RBM34: variants seen among roughly 807,000 people sequenced by gnomAD.
RBM34 encodes the protein RNA binding motif protein 34.
RBM34 carries 39 observed loss-of-function variants against 44.6 expected under a neutral mutation model. The observed-to-expected ratio is 0.87, with a 90% CI of 0.68 to 1.14. The LOEUF (loss-of-function observed/expected upper bound fraction) is 1.14, where lower values mean the gene tolerates loss of function less well. Ranked by LOEUF, RBM34 falls within the 50% of genes most tolerant of loss-of-function variation. RBM34 has a pLI of 0.00. For synonymous variants in RBM34, 194 were observed against 184.0 expected, an observed-to-expected ratio of 1.05 and a Z score of -0.44; for missense variants, 572 against 517.9, an observed-to-expected ratio of 1.10 and a Z score of -1.01.
intron 4 of RBM34, among the ~76,000 whole-genome samples, chr1:235,154,169 C>T (rs552738116): frequency 6.8e-4 from 103 of 151,560 alleles, no homozygotes; most frequent in African/African-American, 2.5e-3. Context: ...GGGTGTGAAC[C>T]CAGGAGGCGG....
At chr1:235,135,608 C>T in intron 10 of RBM34, 44 bp downstream of exon 10, 1 of 1,480,416 alleles carries the variant, frequency 6.8e-7, no homozygotes, top group South Asian at 1.1e-5. Context: ...CAATGCCTCC[C>T]AGGGCACTTC....
chr1:235,133,287 G>C (rs146567843), intron 10 of RBM34, among the ~76,000 whole-genome samples: 1,533 of 152,332 alleles, frequency 0.01, 17 homozygotes, highest in Non-Finnish European at 0.013. Flanking sequence ...GCTGCAGTGA[G>C]CTGAGATCGT....
At chr1:235,142,332 G>C (rs1316627674) in intron 6 of RBM34, among the ~76,000 whole-genome samples, 7 of 152,104 alleles carry the variant, frequency 4.6e-5, no homozygotes, top group African/African-American at 1.7e-4. Flanking sequence ...AGGCTGGAGT[G>C]CAATGGCATG....
At chr1:235,152,466 A>C (rs967058677) in intron 5 of RBM34, 3 of 1,212,954 alleles carry the variant, frequency 2.5e-6, no homozygotes, top group African/African-American at 3.2e-5. Flanking sequence ...TCCACCCTCC[A>C]AAGTACATTG....
chr1:235,160,542 G>A lies in RBM34; in HGVS notation c.334C>T (p.His112Tyr). 1 of 1,613,754 alleles carries A rather than the reference G, an allele frequency of 6.2e-7. No homozygotes were observed. Among genetic ancestry groups the A allele is most frequent in the East Asian group, 2.2e-5 (1 of 44,864 alleles). ...GCCAACTTTTTTTCTGCGTTAGTGT[G>A]TTTCTTCTTCGCTTTCACTTTTTTG... ...PAKKVKAKKK[H>Y]TNAEKKLADR... Residue 112 changes from histidine (H) to tyrosine (Y), a missense_variant, in exon 3 of 11, where the codon CAC becomes TAC. Physicochemically the swap from His to Tyr is moderately conservative, Grantham distance 83 (BLOSUM62 2). Coordinates refer to ENST00000408888, the MANE Select transcript of RBM34 (RefSeq NM_015014.4).
chr1:235,135,719 A>G lies in RBM34; in HGVS notation c.941T>C (p.Met314Thr). ...EKHFLDCGSI[M>T]AVRIVRDKMT... ...TTTGTCTCTCACAATCCTCACGGCCATGATACTTCCACAGTCCAGAAAGTG... is the reference window on the plus strand; with the variant it reads ...TTTGTCTCTCACAATCCTCACGGCCGTGATACTTCCACAGTCCAGAAAGTG... The change falls in exon 10 of 11, where the codon ATG becomes ACG. Residue 314 changes from methionine (M) to threonine (T), a missense_variant. Coordinates refer to ENST00000408888, the MANE Select transcript of RBM34 (RefSeq NM_015014.4). 1 of 1,614,220 alleles carries G rather than the reference A, an allele frequency of 6.2e-7. No homozygotes were observed. Among genetic ancestry groups the G allele is most frequent in the East Asian group, 2.2e-5 (1 of 44,886 alleles).
intron 3 of RBM34, among the ~76,000 whole-genome samples, chr1:235,159,619 C>T (rs1472765331): frequency 1.3e-5 from 2 of 151,368 alleles, no homozygotes; most frequent in African/African-American, 4.9e-5. Context: ...CCTATAATCC[C>T]TGCACTTTAG....
Position 235,131,786 on chromosome 1 carries a change from G to C in RBM34, c.1220C>G (p.Ala407Gly). The change falls in exon 11 of 11, where the codon GCT becomes GGT. Residue 407 changes from alanine (A) to glycine (G), a missense_variant. Ala to Gly is a moderately conservative substitution (Grantham distance 60). Transcript: ENST00000408888. ...TTTCTTCTTCGTTTTAAGGAGAACAGCTTTTTCTCCAATAAATAAGCTTTT... is the reference window on the plus strand; with the variant it reads ...TTTCTTCTTCGTTTTAAGGAGAACACCTTTTTCTCCAATAAATAAGCTTTT... ...HPKSLFIGEK[A>G]VLLKTKKKGQ... 2 of 1,613,948 alleles carry C rather than the reference G, an allele frequency of 1.2e-6. No individual in the cohort carries two copies. Among genetic ancestry groups the C allele is most frequent in the Non-Finnish European group, 1.7e-6 (2 of 1,179,938 alleles).
At chr1:235,147,996 C>A (rs987305596) in intron 6 of RBM34, among the ~76,000 whole-genome samples, 1 of 152,066 alleles carries the variant, frequency 6.6e-6, no homozygotes, top group Non-Finnish European at 1.5e-5. Flanking sequence ...GGTCCAAAAC[C>A]CTCAAACAGA....
chr1:235,137,805 C>T, intron 8 of RBM34, 72 bp downstream of exon 8: 1 of 1,231,638 alleles, frequency 8.1e-7, no homozygotes, highest in Non-Finnish European at 1.1e-6. Flanking sequence ...AGTCCCCTTC[C>T]AGGAAAAGCC....
chr1:235,137,833 C>A, intron 8 of RBM34, 44 bp downstream of exon 8: 1 of 1,425,014 alleles, frequency 7.0e-7, no homozygotes, highest in South Asian at 1.3e-5. Flanking sequence ...AAACATTTCT[C>A]TCTACAAAGC....
At chr1:235,156,499 G>A in intron 3 of RBM34, 1 of 344,384 alleles carries the variant, frequency 2.9e-6, no homozygotes, top group Non-Finnish European at 5.8e-6. Flanking sequence ...AGGTTAATAT[G>A]GCAGCAGAGT....
chr1:235,156,287 A>T (rs1242210797), intron 3 of RBM34, among the ~76,000 whole-genome samples: 2 of 152,132 alleles, frequency 1.3e-5, no homozygotes, highest in African/African-American at 2.4e-5. Context: ...TACAGGCGTG[A>T]ACCACTGCAC....
chr1:235,155,837 A>ATATATATG (rs1553275314), intron 3 of RBM34, among the ~76,000 whole-genome samples: 2 of 22,882 alleles, frequency 8.7e-5, no homozygotes, highest in Admixed American at 1.2e-3. Flanking sequence ...ATATATATAT[A>ATATATATG]TATATATATA....
At chr1:235,157,450 AG>A (rs1662499707) in intron 3 of RBM34, among the ~76,000 whole-genome samples, 1 of 152,208 alleles carries the variant, frequency 6.6e-6, no homozygotes, top group African/African-American at 2.4e-5. Flanking sequence ...GCTCATGCCA[AG>A]GAACAGGACT....
At chr1:235,150,178 G>A (rs1258039966) in intron 5 of RBM34, among the ~76,000 whole-genome samples, 13 of 152,172 alleles carry the variant, frequency 8.5e-5, no homozygotes, top group African/African-American at 1.2e-4. Context: ...AGGTTCAAGC[G>A]ATTCTCCCAT....
At chr1:235,133,732 A>G (rs934136868) in intron 10 of RBM34, among the ~76,000 whole-genome samples, 1 of 152,260 alleles carries the variant, frequency 6.6e-6, no homozygotes, top group African/African-American at 2.4e-5. Flanking sequence ...TTTATTATAT[A>G]TAACAATATA....
Position 235,152,696 on chromosome 1 carries a change from T to C in RBM34, c.657+10A>G, listed in dbSNP as rs374964460. On this transcript the variant is annotated intron_variant, in intron 5 of 10. Transcript: ENST00000408888. ...AATATTATGTAATTTTACGGGGGAA[T>C]GAAACATACCAGAGAACGAAATCGT... 1.9e-6 allele frequency: 3 copies of C among 1,598,148 alleles called. No individual in the cohort carries two copies. Among genetic ancestry groups the C allele is most frequent in the African/African-American group, 1.4e-5 (1 of 74,052 alleles).
Position 235,160,971 on chromosome 1 carries a change from T to G in RBM34, c.150A>C (p.Arg50Ser). 1 of 1,614,128 alleles carries G rather than the reference T, an allele frequency of 6.2e-7. No homozygotes were observed. The highest frequency in any genetic ancestry group is 1.1e-5 in the South Asian group (1 of 91,082). ...GGGACGCCAGCCGACCGGTGCCACC[T>G]CTGGAATGGTGTTCGCCGCGAAATA... is the stretch of plus-strand genomic sequence containing the variant. ...SSLFRGEHHSRGGTGRLASLF... is the reference protein window; with the variant it reads ...SSLFRGEHHSSGGTGRLASLF... The change falls in exon 2 of 11, where the codon AGA (arginine) becomes AGC (serine). Residue 50 changes from arginine (R) to serine (S), a missense_variant. By Grantham distance (110) the Arg-to-Ser change is moderately radical. Coordinates refer to ENST00000408888, the MANE Select transcript of RBM34 (RefSeq NM_015014.4).
Sources: gnomAD v4.1 joint callset for allele counts (sites outside exome capture counted in the v4.1 genomes callset) on GRCh38, gnomAD v4.1.1 for gene constraint, MANE v1.5 for transcripts, NCBI Gene and HGNC (gene_info 2026-07-23, HGNC 2026-07-21) for gene names.